Variants in LSAMP observed in about 807,000 individuals in gnomAD.
The protein encoded by LSAMP is limbic system associated membrane protein, also known as limbic system-associated membrane protein.
Under a neutral mutation model 38.6 loss-of-function variants are expected in LSAMP, and 7 were observed. The observed-to-expected ratio is 0.18, with a 90% CI of 0.10 to 0.34. The LOEUF (loss-of-function observed/expected upper bound fraction) is 0.34. LSAMP is among the 10% of genes least tolerant of loss of function. The pLI, the probability that LSAMP is intolerant of heterozygous loss-of-function variation, is 1.00. For synonymous variants in LSAMP, 154 were observed against 166.8 expected, an observed-to-expected ratio of 0.92 and a Z score of 0.59; for missense variants, 313 against 420.0, an observed-to-expected ratio of 0.75 and a Z score of 2.23.
chr3:115,948,171 C>T (rs1052953200), intron 3 of LSAMP, among the ~76,000 whole-genome samples: 1 of 152,126 alleles, frequency 6.6e-6, no homozygotes, highest in South Asian at 2.1e-4. Flanking sequence ...CAGATACACT[C>T]ATCCTCATAA....
chr3:115,940,323 G>GGGTCCATTTTACAGAGCACTGATT (rs71141845), intron 3 of LSAMP, among the ~76,000 whole-genome samples: 143,715 of 151,292 alleles, frequency 0.95, 68,658 homozygotes, highest in South Asian at 1. Flanking sequence ...TCCTACTGAT[G>GGGTCCATTTTACAGAGCACTGATT]GGTCCATTTT....
At chr3:116,013,556 T>C (rs1434162061) in intron 3 of LSAMP, among the ~76,000 whole-genome samples, 2 of 152,172 alleles carry the variant, frequency 1.3e-5, no homozygotes, top group Admixed American at 6.5e-5. Flanking sequence ...ACTTTCTCTG[T>C]GAGTGTATGT....
intron 1 of LSAMP, among the ~76,000 whole-genome samples, chr3:116,205,298 T>G (rs1373120787): frequency 2.1e-5 from 3 of 143,688 alleles, no homozygotes; most frequent in African/African-American, 7.9e-5. Flanking sequence ...TAAGGAGATT[T>G]TGGGCTGAGA....
At chr3:116,404,422 A>G (rs919529889) in intron 1 of LSAMP, among the ~76,000 whole-genome samples, 1 of 152,200 alleles carries the variant, frequency 6.6e-6, no homozygotes, top group Non-Finnish European at 1.5e-5. Flanking sequence ...ATAGTAAACT[A>G]TAAGGCACTT....
At chr3:115,812,978 T>A (rs1193530765) in intron 6 of LSAMP, among the ~76,000 whole-genome samples, 1 of 152,168 alleles carries the variant, frequency 6.6e-6, no homozygotes, top group African/African-American at 2.4e-5. Context: ...ATAACATTCT[T>A]GATAATACAT....
intron 3 of LSAMP, among the ~76,000 whole-genome samples, chr3:115,860,356 G>A (rs766354635): frequency 1.3e-4 from 20 of 152,172 alleles, no homozygotes; most frequent in Non-Finnish European, 4.4e-5. Context: ...CTCATGTTCC[G>A]AACTAAGCAT....
At chr3:116,436,722 C>A (rs1377442848) in intron 1 of LSAMP, among the ~76,000 whole-genome samples, 1 of 152,156 alleles carries the variant, frequency 6.6e-6, no homozygotes, top group Non-Finnish European at 1.5e-5. Context: ...CACTTCTACA[C>A]TGCTGGTGGG....
chr3:116,229,174 T>C (rs2046373273), intron 1 of LSAMP, among the ~76,000 whole-genome samples: 1 of 152,126 alleles, frequency 6.6e-6, no homozygotes, highest in African/African-American at 2.4e-5. Context: ...TGTTATTCTA[T>C]GAAATTCAGA....
chr3:116,064,197 G>C (rs1216701777), intron 2 of LSAMP, among the ~76,000 whole-genome samples: 1 of 152,160 alleles, frequency 6.6e-6, no homozygotes, highest in Non-Finnish European at 1.5e-5. Context: ...CAGAAACACA[G>C]AAAATGATTT....
chr3:116,145,988 A>G (rs1709482023), intron 1 of LSAMP, among the ~76,000 whole-genome samples: 1 of 151,826 alleles, frequency 6.6e-6, no homozygotes, highest in Non-Finnish European at 1.5e-5. Flanking sequence ...CATTGTCTCC[A>G]TTTTAAAATT....
intron 1 of LSAMP, among the ~76,000 whole-genome samples, chr3:116,258,147 T>G (rs959448480): frequency 6.6e-6 from 1 of 152,158 alleles, no homozygotes; most frequent in African/African-American, 2.4e-5. Flanking sequence ...GAAAGAAGAA[T>G]GTGCAATTCT....
At chr3:116,279,672 GTAA>G (rs1383757719) in intron 1 of LSAMP, among the ~76,000 whole-genome samples, 1 of 152,142 alleles carries the variant, frequency 6.6e-6, no homozygotes, top group Non-Finnish European at 1.5e-5. Flanking sequence ...ATTATGTTCA[GTAA>G]TAATACTGTC....
chr3:116,124,581 T>C (rs1196433905), intron 1 of LSAMP, among the ~76,000 whole-genome samples: 3 of 152,210 alleles, frequency 2.0e-5, no homozygotes, highest in Non-Finnish European at 4.4e-5. Flanking sequence ...TCACCAACCA[T>C]GTTTTTAAAA....
chr3:116,132,628 G>GT (rs1231204559), intron 1 of LSAMP, among the ~76,000 whole-genome samples: 3 of 151,944 alleles, frequency 2.0e-5, no homozygotes, highest in Admixed American at 2.0e-4. Flanking sequence ...CTTTTCTCTC[G>GT]TTTTTTTCTT....
rs181373182 is a variant in LSAMP at position 116,041,379 on chromosome 3, C to T, written c.389-21739G>A. Among the ~76,000 whole-genome samples, 13 of 152,206 alleles carry T rather than the reference C, an allele frequency of 8.5e-5. No homozygotes were observed. The East Asian group carries it at 2.5e-3, about 29-fold the overall frequency. On this transcript the variant is annotated intron_variant, in intron 2 of 6. Transcript: ENST00000490035. Reference sequence around the variant, plus strand: ...TCAAACATGCTTGTCCAAAGTTTAGCCAAAGATTGATGAAACACATATGAT... The same window carrying T: ...TCAAACATGCTTGTCCAAAGTTTAGTCAAAGATTGATGAAACACATATGAT...
At chr3:116,189,081 TAAAC>T (rs771710732) in intron 1 of LSAMP, among the ~76,000 whole-genome samples, 4 of 152,140 alleles carry the variant, frequency 2.6e-5, no homozygotes, top group Non-Finnish European at 4.4e-5. Flanking sequence ...GAGGGAATAA[TAAAC>T]AGATAATAAA....
At chr3:116,396,206 G>A (rs1475229854) in intron 1 of LSAMP, among the ~76,000 whole-genome samples, 1 of 152,154 alleles carries the variant, frequency 6.6e-6, no homozygotes, top group Admixed American at 6.5e-5. Context: ...ATCTCTAAGA[G>A]AGTGATTTGT....
chr3:116,094,632 G>C (rs1054136179), intron 1 of LSAMP, among the ~76,000 whole-genome samples: 2 of 152,212 alleles, frequency 1.3e-5, no homozygotes, highest in Non-Finnish European at 2.9e-5. Flanking sequence ...GTAGAACACA[G>C]AGGTGGTAAA....
intron 6 of LSAMP, among the ~76,000 whole-genome samples, chr3:115,833,906 C>T (rs966224224): frequency 1.3e-5 from 2 of 152,024 alleles, no homozygotes; most frequent in African/African-American, 4.8e-5. Flanking sequence ...AAAGTTGTGG[C>T]TGCACCTTGC....
Sources: gnomAD v4.1 joint callset for allele counts (sites outside exome capture counted in the v4.1 genomes callset) on GRCh38, gnomAD v4.1.1 for gene constraint, MANE v1.5 for transcripts, NCBI Gene and HGNC (gene_info 2026-07-23, HGNC 2026-07-21) for gene names.